HYDIN: variants seen among roughly 807,000 people sequenced by gnomAD.
The protein encoded by HYDIN is axonemal central pair apparatus protein HYDIN.
In HYDIN, 132 loss-of-function variants were observed where a neutral mutation model predicts 403.9. The observed-to-expected ratio is 0.33, with a 90% CI of 0.28 to 0.38. The LOEUF (loss-of-function observed/expected upper bound fraction) is 0.38. Among genes scored for constraint, HYDIN ranks in the 10% least tolerant of loss-of-function variants. HYDIN has a pLI of 1.00. For synonymous variants in HYDIN, 1,202 were observed against 1,891.7 expected, an observed-to-expected ratio of 0.64 and a Z score of 9.46; for missense variants, 2,827 against 5,009.5, an observed-to-expected ratio of 0.56 and a Z score of 13.15.
chr16:70,810,774 G>A (rs2035443428), intron 84 of HYDIN, among the ~76,000 whole-genome samples: 1 of 152,158 alleles, frequency 6.6e-6, no homozygotes, highest in Non-Finnish European at 1.5e-5. Flanking sequence ...AGGTTGCAGT[G>A]AGCCAAGATC....
chr16:71,010,958 G>A (rs1205294873), intron 23 of HYDIN, among the ~76,000 whole-genome samples: 1 of 152,236 alleles, frequency 6.6e-6, no homozygotes. Context: ...GCAAAGCTTG[G>A]CTAAAGCCTG....
chr16:71,173,676 T>C (rs2086554295), intron 5 of HYDIN, among the ~76,000 whole-genome samples: 1 of 152,200 alleles, frequency 6.6e-6, no homozygotes, highest in Non-Finnish European at 1.5e-5. Context: ...CTCCCCCTTC[T>C]ATTGTTATAC....
At chr16:71,174,451 G>T (rs538196225) in intron 5 of HYDIN, among the ~76,000 whole-genome samples, 2 of 152,324 alleles carry the variant, frequency 1.3e-5, no homozygotes, top group East Asian at 3.9e-4. Flanking sequence ...GTGCAACACA[G>T]ATAAGCATGC....
chr16:71,120,750 T>C (rs1485657146), intron 9 of HYDIN, among the ~76,000 whole-genome samples: 2 of 149,830 alleles, frequency 1.3e-5, no homozygotes, highest in Admixed American at 6.6e-5. Flanking sequence ...CTTGCCCCCC[T>C]CCCAAAAAAA....
chr16:71,096,458 C>T (rs2083280897), intron 10 of HYDIN, among the ~76,000 whole-genome samples: 1 of 152,202 alleles, frequency 6.6e-6, no homozygotes, highest in Non-Finnish European at 1.5e-5. Context: ...TTCTTCTCCA[C>T]TTTTCACCTC....
chr16:70,807,572 G>T lies in HYDIN; in HGVS notation c.*8C>A. The T allele has an allele frequency of 6.3e-7, 1 of 1,599,096 alleles. No homozygotes were observed. ...GCTTTTGGTTGATACAGGTAACCCT[G>T]GTTACCACTAAAGGGTGATCCCCTT... On this transcript the variant is annotated 3_prime_UTR_variant, in exon 86 of 86. Transcript: ENST00000393567.
chr16:71,129,944 C>T (rs1245931559), intron 8 of HYDIN, 121 bp from the exon 9 acceptor site: 3 of 1,116,126 alleles, frequency 2.7e-6, no homozygotes, highest in Non-Finnish European at 3.8e-6. Flanking sequence ...GTGGTCCCTC[C>T]TTGCCCTGAG....
At chr16:71,021,428 G>A (rs1294357542) in intron 21 of HYDIN, among the ~76,000 whole-genome samples, 3 of 152,062 alleles carry the variant, frequency 2.0e-5, no homozygotes, top group African/African-American at 7.2e-5. Context: ...TGTTGGCCAC[G>A]ATGGTCTTGA....
intron 10 of HYDIN, among the ~76,000 whole-genome samples, chr16:71,112,806 G>A (rs1047766135): frequency 6.6e-6 from 1 of 152,072 alleles, no homozygotes; most frequent in African/African-American, 2.4e-5. Context: ...GACTAGTCGG[G>A]GATAACCTAG....
At chr16:70,897,102 T>C (rs1208531616) in intron 53 of HYDIN, among the ~76,000 whole-genome samples, 9 of 151,440 alleles carry the variant, frequency 5.9e-5, no homozygotes, top group Non-Finnish European at 1.2e-4. Context: ...ACTATGCATC[T>C]GACAAAGGAC....
chr16:70,979,785 A>G (rs1050357891), intron 29 of HYDIN, among the ~76,000 whole-genome samples: 9 of 152,218 alleles, frequency 5.9e-5, no homozygotes, highest in African/African-American at 1.9e-4. Context: ...TTAGCTGGGC[A>G]TGGTGGTGTG....
chr16:70,880,534 C>T (rs1186325123), intron 60 of HYDIN, among the ~76,000 whole-genome samples: 1 of 152,102 alleles, frequency 6.6e-6, no homozygotes, highest in Non-Finnish European at 1.5e-5. Context: ...GTGATGGTGC[C>T]AGTCCCAAGG....
intron 10 of HYDIN, among the ~76,000 whole-genome samples, chr16:71,094,636 G>C (rs1170974137): frequency 6.6e-6 from 1 of 152,278 alleles, no homozygotes; most frequent in Non-Finnish European, 1.5e-5. Context: ...TTCATGTATT[G>C]AGGAAGTGTC....
Position 71,137,334 on chromosome 16 carries a change from G to A in HYDIN, c.860C>T (p.Ser287Phe). The A allele has an allele frequency of 1.7e-6, 1 of 600,764 alleles. No individual in the cohort carries two copies. The highest frequency in any genetic ancestry group is 1.9e-5 in the African/African-American group (1 of 52,052). 37.2% of individuals were successfully genotyped at this position (600,764 alleles called of 1,614,324 possible). ...CATGTCTATGGCAGCTCCATAGAGA[G>A]ATACAAACACCTTTTCACCTAGGAA... ...CYDTGEKVFV[S>F]LYGAAIDMNI... The change falls in exon 8 of 86, where the codon TCT becomes TTT. Residue 287 changes from serine (S) to phenylalanine (F), a missense_variant. Coordinates refer to ENST00000393567, the MANE Select transcript of HYDIN (RefSeq NM_001270974.2).
At chr16:71,059,143 A>G (rs2081999881) in intron 18 of HYDIN, among the ~76,000 whole-genome samples, 1 of 152,152 alleles carries the variant, frequency 6.6e-6, no homozygotes, top group African/African-American at 2.4e-5. Flanking sequence ...GAAGCTCTTT[A>G]GTTTAATTAG....
intron 1 of HYDIN, among the ~76,000 whole-genome samples, chr16:71,189,747 A>G (rs1228747033): frequency 1.3e-5 from 2 of 148,476 alleles, no homozygotes; most frequent in African/African-American, 5.1e-5. Flanking sequence ...AGCCTGGGCA[A>G]CACAGCAAGA....
intron 23 of HYDIN, among the ~76,000 whole-genome samples, chr16:71,014,461 G>C (rs2080190093): frequency 6.6e-6 from 1 of 151,376 alleles, no homozygotes; most frequent in South Asian, 2.1e-4. Context: ...CAGTCCATCT[G>C]GTTCAGAGAT....
At chr16:70,893,087 T>C (rs1049009302) in intron 55 of HYDIN, among the ~76,000 whole-genome samples, 11 of 151,926 alleles carry the variant, frequency 7.2e-5, no homozygotes, top group Admixed American at 2.6e-4. Flanking sequence ...ATGCCCGGAG[T>C]TGCTGTGGGG....
At chr16:71,065,705 T>C (rs2082241696) in intron 15 of HYDIN, among the ~76,000 whole-genome samples, 1 of 152,258 alleles carries the variant, frequency 6.6e-6, no homozygotes, top group Admixed American at 6.5e-5. Context: ...GGGATTGATA[T>C]TGGCATTATA....
Sources: gnomAD v4.1 joint callset for allele counts (sites outside exome capture counted in the v4.1 genomes callset) on GRCh38, gnomAD v4.1.1 for gene constraint, MANE v1.5 for transcripts, NCBI Gene and HGNC (gene_info 2026-07-23, HGNC 2026-07-21) for gene names.